ADAM22: variants seen among roughly 807,000 people sequenced by gnomAD.
ADAM22 encodes the protein ADAM metallopeptidase domain 22, also known as disintegrin and metalloproteinase domain-containing protein 22.
ADAM22 carries 65 observed loss-of-function variants against 144.6 expected under a neutral mutation model. That is an observed-to-expected ratio of 0.45 (90% CI 0.37 to 0.55). The LOEUF is 0.55. Ranked by LOEUF, ADAM22 falls within the 20% of genes least tolerant of loss-of-function variation. ADAM22 has a pLI of 0.00. For synonymous variants in ADAM22, 391 were observed against 412.6 expected (o/e 0.95, Z 0.63); for missense variants, 974 against 1,184.9 (o/e 0.82, Z 2.61).
At chr7:87,974,541 C>T (rs1851427368) in intron 2 of ADAM22, among the ~76,000 whole-genome samples, 1 of 152,128 alleles carries the variant, frequency 6.6e-6, no homozygotes, top group Non-Finnish European at 1.5e-5. Flanking sequence ...AGCCCTGCTG[C>T]TGAAAGTGTC....
chr7:88,097,215 C>T (rs1223078182), intron 4 of ADAM22, among the ~76,000 whole-genome samples: 1 of 148,970 alleles, frequency 6.7e-6, no homozygotes, highest in East Asian at 2.0e-4. Context: ...ACAGTGGCAC[C>T]ATCTCGGCTC....
intron 4 of ADAM22, among the ~76,000 whole-genome samples, chr7:88,076,101 G>A (rs190384765): frequency 2.7e-3 from 417 of 152,224 alleles, no homozygotes; most frequent in African/African-American, 9.0e-3. Flanking sequence ...GCAACAGCGC[G>A]ATCTCGGCTC....
chr7:88,200,292 T>A lies in ADAM22; in HGVS notation c.*3801T>A, dbSNP rs1851096034. 2 of 152,256 alleles carry A rather than the reference T, an allele frequency of 1.3e-5. No individual in the cohort carries two copies. Among genetic ancestry groups the A allele is most frequent in the African/African-American group, 4.8e-5 (2 of 41,472 alleles). The allele number at this position is 152,256 out of a possible 1,614,324, so 9.4% of individuals were successfully genotyped here. ...GTTATTATTTAACACAATAATAAAT[T>A]CTTATCTAAAGAAAAGATTATTTTA... is the stretch of plus-strand genomic sequence containing the variant. On this transcript the variant is annotated 3_prime_UTR_variant, in exon 32 of 32. Coordinates refer to ENST00000413139, the MANE Select transcript of ADAM22 (RefSeq NM_001324418.2).
intron 3 of ADAM22, among the ~76,000 whole-genome samples, chr7:88,005,814 C>G (rs1010114982): frequency 6.6e-6 from 1 of 151,876 alleles, no homozygotes; most frequent in African/African-American, 2.4e-5. Flanking sequence ...ATTATGATTA[C>G]AAAGTTAAGT....
intron 22 of ADAM22, among the ~76,000 whole-genome samples, chr7:88,159,808 G>A (rs571952667): frequency 6.6e-6 from 1 of 152,090 alleles, no homozygotes; most frequent in Non-Finnish European, 1.5e-5. Context: ...TACTGAATAG[G>A]CAAAAGCTGG....
chr7:88,062,583 A>T (rs75527791), intron 3 of ADAM22, among the ~76,000 whole-genome samples: 119 of 152,314 alleles, frequency 7.8e-4, no homozygotes, highest in African/African-American at 2.7e-3. Flanking sequence ...TTTATCATTC[A>T]TGTGTTCAGT....
intron 25 of ADAM22, among the ~76,000 whole-genome samples, chr7:88,169,785 A>C (rs2237542): frequency 0.29 from 43,881 of 151,956 alleles, 8,398 homozygotes; most frequent in East Asian, 0.55. Context: ...ATTTCTCCAA[A>C]TTAATGCATG....
intron 8 of ADAM22, among the ~76,000 whole-genome samples, chr7:88,127,663 G>T (rs1830740596): frequency 6.6e-6 from 1 of 151,288 alleles, no homozygotes; most frequent in Non-Finnish European, 1.5e-5. Flanking sequence ...TTTTAAAGTT[G>T]GTTTTAACTG....
At chr7:88,080,104 A>T (rs1165362245) in intron 4 of ADAM22, among the ~76,000 whole-genome samples, 2 of 152,124 alleles carry the variant, frequency 1.3e-5, no homozygotes, top group Non-Finnish European at 2.9e-5. Context: ...GAAGTAAAGC[A>T]CTCTCAGCAA....
chr7:88,016,950 G>T lies in ADAM22; in HGVS notation c.323+38538G>T, dbSNP rs572032970. Among the ~76,000 whole-genome samples, 322 of 152,054 alleles carry T rather than the reference G, an allele frequency of 2.1e-3. 2 individuals carry two copies. Among genetic ancestry groups the T allele is most frequent in the African/African-American group, 7.4e-3 (309 of 41,482 alleles). On this transcript the variant is annotated intron_variant, in intron 3 of 31. Transcript: ENST00000413139. ...CTGGGCGTTATACTGAGACCTTGTC[G>T]CTACAGAAAACTAAAATATTAGCCA...
intron 3 of ADAM22, among the ~76,000 whole-genome samples, chr7:88,025,864 C>G (rs1798910404): frequency 6.6e-6 from 1 of 152,014 alleles, no homozygotes; most frequent in African/African-American, 2.4e-5. Flanking sequence ...TTTTGTGGTT[C>G]CACATAAATT....
intron 2 of ADAM22, among the ~76,000 whole-genome samples, chr7:87,958,393 T>A (rs1445125950): frequency 6.7e-6 from 1 of 149,948 alleles, no homozygotes; most frequent in African/African-American, 2.4e-5. Context: ...TTATTTTTTA[T>A]TTTTTTTTTG....
At chr7:87,959,721 T>A (rs937696346) in intron 2 of ADAM22, among the ~76,000 whole-genome samples, 1 of 152,198 alleles carries the variant, frequency 6.6e-6, no homozygotes, top group African/African-American at 2.4e-5. Flanking sequence ...ATTTTATAGA[T>A]GGTAGCATTT....
chr7:88,063,244 C>G (rs926713995), intron 3 of ADAM22, among the ~76,000 whole-genome samples: 1 of 152,072 alleles, frequency 6.6e-6, no homozygotes, highest in African/African-American at 2.4e-5. Context: ...AAAGAGATAA[C>G]TACTGCATTT....
chr7:87,982,257 GGTAA>G (rs1436669378), intron 3 of ADAM22, among the ~76,000 whole-genome samples: 3 of 152,084 alleles, frequency 2.0e-5, no homozygotes, highest in Admixed American at 6.6e-5. Flanking sequence ...TGTTAAATAA[GGTAA>G]TTTCAGAGAG....
chr7:88,186,815 A>G (rs1848430595), intron 30 of ADAM22, 114 bp downstream of exon 30: 1 of 663,266 alleles, frequency 1.5e-6, no homozygotes, highest in Admixed American at 2.9e-5. Context: ...TATAGGTGGA[A>G]AGGGGTCCTT....
intron 3 of ADAM22, among the ~76,000 whole-genome samples, chr7:88,074,104 A>G (rs931058242): frequency 7.9e-5 from 12 of 152,220 alleles, no homozygotes; most frequent in Admixed American, 2.6e-4. Context: ...AGTGTGCTAC[A>G]GTGAACAAGA....
intron 5 of ADAM22, 48 bp from the exon 6 acceptor site, chr7:88,114,535 TG>T: frequency 5.1e-6 from 8 of 1,566,418 alleles, no homozygotes; most frequent in Non-Finnish European, 6.2e-6. Flanking sequence ...GATCTTGTTC[TG>T]GGATGAGAGT....
rs575203202 is a variant in ADAM22 at position 88,097,823 on chromosome 7, C to CAT, written c.391-10349_391-10348dup. 5.3e-5 allele frequency among the ~76,000 whole-genome samples: 8 copies of CAT among 152,026 alleles called. No homozygotes were observed. In the South Asian group the frequency reaches 1.5e-3, roughly 28 times the overall value. On this transcript the variant is annotated intron_variant, in intron 4 of 31. Coordinates refer to ENST00000413139, the MANE Select transcript of ADAM22 (RefSeq NM_001324418.2). The stretch of plus-strand genomic sequence containing the variant: ...TTCACAGTCTTTATGCTAAAAAGTC[C>CAT]ATATAGAGTAATGCATTTAAATTTT...
Sources: allele counts gnomAD v4.1 joint callset (sites outside exome capture counted in the v4.1 genomes callset), GRCh38; gene constraint gnomAD v4.1.1; transcripts MANE v1.5; gene names NCBI Gene and HGNC (gene_info 2026-07-23, HGNC 2026-07-21).